Variants in SBF2 observed in about 807,000 individuals in gnomAD.
The protein encoded by SBF2 is SET binding factor 2, also known as myotubularin-related protein 13.
SBF2 carries 112 observed loss-of-function variants against 225.2 expected under a neutral mutation model. That is an observed-to-expected ratio of 0.50 (90% confidence interval 0.43 to 0.58). The LOEUF (loss-of-function observed/expected upper bound fraction) is 0.58, where lower values mean the gene tolerates loss of function less well. Ranked by LOEUF, SBF2 falls within the 20% of genes least tolerant of loss-of-function variation. SBF2 has a pLI of 0.00. For missense variants in SBF2, 1,996 were observed against 2,206.2 expected (o/e 0.90, Z 1.91); for synonymous variants, 763 against 773.3 (o/e 0.99, Z 0.22).
chr11:10,259,379 C>T (rs909525346), intron 1 of SBF2, among the ~76,000 whole-genome samples: 64 of 152,192 alleles, frequency 4.2e-4, no homozygotes, highest in Non-Finnish European at 3.4e-4. Flanking sequence ...GTGCTCTGTA[C>T]ATAGAAAGCA....
chr11:9,992,862 C>T, intron 11 of SBF2, 128 bp downstream of exon 11: 1 of 684,222 alleles, frequency 1.5e-6, no homozygotes, highest in African/African-American at 1.8e-5. Context: ...TATCTAACCA[C>T]ACAGAGATTT....
chr11:9,869,678 A>T (rs1858555330), intron 17 of SBF2, among the ~76,000 whole-genome samples: 1 of 152,182 alleles, frequency 6.6e-6, no homozygotes, highest in Non-Finnish European at 1.5e-5. Flanking sequence ...CTGCCAATAA[A>T]CTAGGTATTG....
chr11:10,112,570 T>C (rs558239555), intron 2 of SBF2, among the ~76,000 whole-genome samples: 1 of 152,326 alleles, frequency 6.6e-6, no homozygotes, highest in South Asian at 2.1e-4. Context: ...ATCAGCAGTG[T>C]GAAATGGACT....
intron 2 of SBF2, among the ~76,000 whole-genome samples, chr11:10,122,429 G>A (rs373270185): frequency 1.3e-5 from 2 of 152,130 alleles, no homozygotes; most frequent in African/African-American, 4.8e-5. Context: ...ATGTATTTTA[G>A]AGTGCACAGC....
intron 1 of SBF2, among the ~76,000 whole-genome samples, chr11:10,290,245 A>G (rs1964078885): frequency 6.6e-6 from 1 of 151,950 alleles, no homozygotes; most frequent in Admixed American, 6.6e-5. Context: ...ATTGTCATAG[A>G]CCAAGAGAGC....
chr11:9,808,870 A>C (rs1048424486), intron 31 of SBF2, 31 bp downstream of exon 31: 1 of 1,455,908 alleles, frequency 6.9e-7, no homozygotes, highest in Non-Finnish European at 9.6e-7. Context: ...ATATAAATAT[A>C]AAATATCAAA....
intron 38 of SBF2, chr11:9,782,906 T>A (rs1590071526): frequency 6.6e-6 from 1 of 150,400 alleles, no homozygotes; most frequent in South Asian, 2.1e-4. Context: ...AGGAAAAAAG[T>A]CAAAGAGACT....
chr11:10,105,582 T>C (rs1450266523), intron 2 of SBF2, among the ~76,000 whole-genome samples: 1 of 152,250 alleles, frequency 6.6e-6, no homozygotes, highest in Non-Finnish European at 1.5e-5. Context: ...GATATTCTTT[T>C]AGCCTGTGAA....
intron 2 of SBF2, among the ~76,000 whole-genome samples, chr11:10,046,294 T>C (rs1244814356): frequency 6.6e-6 from 1 of 152,156 alleles, no homozygotes; most frequent in Non-Finnish European, 1.5e-5. Context: ...GCCAGCACTA[T>C]ACTAATACCA....
chr11:9,931,104 C>T (rs1202869429), intron 16 of SBF2, among the ~76,000 whole-genome samples: 1 of 152,280 alleles, frequency 6.6e-6, no homozygotes, highest in Non-Finnish European at 1.5e-5. Flanking sequence ...AACCAGGAAG[C>T]TCGAACTGGG....
chr11:9,943,067 C>A lies in SBF2; in HGVS notation c.1860+18890G>T, dbSNP rs539780161. Among the ~76,000 whole-genome samples, 16 of 152,088 alleles carry A rather than the reference C, an allele frequency of 1.1e-4. 1 individual carries two copies. Among genetic ancestry groups the A allele is most frequent in the African/African-American group, 3.9e-4 (16 of 41,484 alleles). On this transcript the variant is annotated intron_variant, in intron 16 of 39. Coordinates refer to ENST00000256190, the MANE Select transcript of SBF2 (RefSeq NM_030962.4). ...ATAGGCGAATGAACTGAATAGAAAT[C>A]CTGAATGGAGTCACATATTTATAGA...
At chr11:9,952,352 G>T (rs1230789084) in intron 16 of SBF2, among the ~76,000 whole-genome samples, 1 of 152,148 alleles carries the variant, frequency 6.6e-6, no homozygotes, top group East Asian at 1.9e-4. Context: ...GAACTGGGAG[G>T]GGGATCCAAC....
intron 2 of SBF2, among the ~76,000 whole-genome samples, chr11:10,059,934 A>G (rs371806060): frequency 3.0e-4 from 46 of 152,318 alleles, no homozygotes; most frequent in African/African-American, 1.0e-3. Context: ...AGTTAGGAAT[A>G]TCTCAAATTA....
At chr11:10,173,308 G>A (rs528731126) in intron 2 of SBF2, among the ~76,000 whole-genome samples, 25 of 152,294 alleles carry the variant, frequency 1.6e-4, no homozygotes, top group African/African-American at 3.8e-4. Flanking sequence ...TGCGTGCACC[G>A]TGCGCAAGCC....
chr11:9,950,249 T>C (rs1344822205), intron 16 of SBF2, among the ~76,000 whole-genome samples: 2 of 152,144 alleles, frequency 1.3e-5, no homozygotes, highest in Admixed American at 1.3e-4. Flanking sequence ...CCTTTACAGC[T>C]TTCCTGACAA....
At chr11:10,279,480 C>A (rs1591358835) in intron 1 of SBF2, among the ~76,000 whole-genome samples, 2 of 151,766 alleles carry the variant, frequency 1.3e-5, no homozygotes, top group Middle Eastern at 3.4e-3. Context: ...GATACTAGTA[C>A]CTAAAATTTA....
chr11:9,784,995 A>G lies in SBF2; in HGVS notation c.5231+130T>C, dbSNP rs1418639990. The G allele has an allele frequency of 4.7e-6, 4 of 848,522 alleles. No individual in the cohort carries two copies. In the Admixed American group the frequency reaches 8.6e-5, roughly 18 times the overall value. 52.6% of individuals were successfully genotyped at this position (848,522 alleles called of 1,614,324 possible). A position where few individuals can be genotyped will look rare whatever the true frequency, so the allele number is the denominator to read the frequency against. ...AAGAAACATCTAAAACATTACAAAA[A>G]TTAAAGCAAATCCATTTCAAGTTTA... On this transcript the variant is annotated intron_variant, in intron 37 of 39. Transcript: ENST00000256190.
intron 2 of SBF2, among the ~76,000 whole-genome samples, chr11:10,064,292 T>C (rs913096489): frequency 2.0e-5 from 3 of 151,996 alleles, no homozygotes; most frequent in East Asian, 1.9e-4. Flanking sequence ...AAATTAAAGA[T>C]TGCATAAGTT....
At chr11:10,173,735 G>T (rs368417629) in intron 2 of SBF2, among the ~76,000 whole-genome samples, 33,994 of 142,730 alleles carry the variant, frequency 0.24, 4,690 homozygotes, top group Middle Eastern at 0.33. Context: ...AAGACAGCAG[G>T]AACCTCTGCA....
Sources: allele counts gnomAD v4.1 joint callset (sites outside exome capture counted in the v4.1 genomes callset), GRCh38; gene constraint gnomAD v4.1.1; transcripts MANE v1.5; gene names NCBI Gene and HGNC (gene_info 2026-07-23, HGNC 2026-07-21).